The following RBFOX3 variants were observed in gnomAD, a reference collection of about 807,000 sequenced individuals.
RBFOX3 encodes RNA binding protein fox-1 homolog 3.
Under a neutral mutation model 48.7 loss-of-function variants are expected in RBFOX3, and 17 were observed. The ratio of observed to expected loss-of-function variants is 0.35; its 90% CI spans 0.24 to 0.52. The LOEUF is 0.52. RBFOX3 is among the 20% of genes least tolerant of loss of function. The pLI, the probability that RBFOX3 is intolerant of heterozygous loss-of-function variation, is 0.94. For missense variants in RBFOX3, 382 were observed against 497.5 expected (o/e 0.77, Z 2.21); for synonymous variants, 212 against 209.5 (o/e 1.01, Z -0.10).
At chr17:79,408,889 A>G (rs2063902046) in intron 2 of RBFOX3, among the ~76,000 whole-genome samples, 1 of 152,194 alleles carries the variant, frequency 6.6e-6, no homozygotes, top group Non-Finnish European at 1.5e-5. Flanking sequence ...ATCATTTAGT[A>G]TCATTTAATC....
At chr17:79,298,989 A>G (rs1993419) in intron 3 of RBFOX3, among the ~76,000 whole-genome samples, 80,366 of 152,078 alleles carry the variant, frequency 0.53, 21,528 homozygotes, top group Middle Eastern at 0.66. Flanking sequence ...CTGCTGATGC[A>G]AGGCTGGGAG....
chr17:79,104,128 TGCAGAG>T lies in RBFOX3; in HGVS notation c.361-8_361-3del, dbSNP rs757166078. 59 of 1,550,978 alleles carry T rather than the reference TGCAGAG, an allele frequency of 3.8e-5. No individual in the cohort carries two copies. The highest frequency in any genetic ancestry group is 5.1e-5 in the Non-Finnish European group (58 of 1,146,690). ...CACGTCTAAAATTTTTCCGAATTGC[TGCAGAG>T]ACAGAGACAAAGAGGGAGTGGGGCA... On this transcript the variant is annotated splice_region_variant and splice_polypyrimidine_tract_variant and intron_variant, in intron 6 of 14. Transcript: ENST00000693108.
rs992850212 is a variant in RBFOX3 at position 79,605,588 on chromosome 17, C to T, written c.-320+5238G>A. The stretch of plus-strand genomic sequence containing the variant: ...TACAGAGCGGTTGCTCCGCCTAGGC[C>T]TCTGTTCTTCTGGAGTCTTGGGAGA... On this transcript the variant is annotated intron_variant, in intron 1 of 14. Coordinates refer to ENST00000693108, the MANE Select transcript of RBFOX3 (RefSeq NM_001350451.2). 4.9e-4 allele frequency among the ~76,000 whole-genome samples: 74 copies of T among 152,310 alleles called. 1 individual carries two copies. The East Asian group carries it at 0.01, about 21-fold the overall frequency.
At position 79,415,112 on chromosome 17, in the gene RBFOX3, T is replaced by G. The variant is rs960478924; in HGVS notation, c.-175+67342A>C. On this transcript the variant is annotated intron_variant, in intron 2 of 14. Coordinates refer to ENST00000693108, the MANE Select transcript of RBFOX3 (RefSeq NM_001350451.2). ...ATCACGGGGTTCTGAGTCTGGGGAG[T>G]TCAAGTGACTTCTGAGACCACTTGG... Among the ~76,000 whole-genome samples the G allele has an allele frequency of 2.0e-5, 3 of 151,908 alleles. No individual in the cohort carries two copies. In the South Asian group the frequency reaches 6.2e-4, roughly 32 times the overall value.
upstream of RBFOX3, among the ~76,000 whole-genome samples, chr17:79,613,455 G>A (rs1476048422): frequency 6.6e-6 from 1 of 152,204 alleles, no homozygotes; most frequent in Non-Finnish European, 1.5e-5. Flanking sequence ...AGCACTAACC[G>A]GGAGATTTTC....
chr17:79,433,736 G>A lies in RBFOX3; in HGVS notation c.-175+48718C>T, dbSNP rs373404995. ...CCTGCAGACCCCACGAGCAAGGTGC[G>A]GTTGCTTCTTGACATTTGCCATGGT... On this transcript the variant is annotated intron_variant, in intron 2 of 14. Coordinates refer to ENST00000693108, the MANE Select transcript of RBFOX3 (RefSeq NM_001350451.2). Among the ~76,000 whole-genome samples the A allele has an allele frequency of 2.2e-3, 332 of 152,058 alleles. 2 individuals carry two copies. The highest frequency in any genetic ancestry group is 7.1e-3 in the African/African-American group (296 of 41,488).
chr17:79,444,702 C>G (rs2071872259), intron 2 of RBFOX3, among the ~76,000 whole-genome samples: 1 of 152,028 alleles, frequency 6.6e-6, no homozygotes, highest in Admixed American at 6.5e-5. Flanking sequence ...CCCGCATTTG[C>G]TCCAAACTAA....
intron 2 of RBFOX3, among the ~76,000 whole-genome samples, chr17:79,387,773 T>C (rs911555621): frequency 1.3e-5 from 2 of 152,206 alleles, no homozygotes; most frequent in East Asian, 3.9e-4. Flanking sequence ...GCAGGGGGCC[T>C]GGGCACTTGG....
chr17:79,219,474 C>T (rs2059454583), intron 4 of RBFOX3, among the ~76,000 whole-genome samples: 1 of 152,194 alleles, frequency 6.6e-6, no homozygotes. Context: ...CAGTTCCGCC[C>T]AGTTGAGCTA....
chr17:79,495,618 G>T, intron 1 of RBFOX3, among the ~76,000 whole-genome samples: 1 of 102,452 alleles, frequency 9.8e-6, no homozygotes, highest in Non-Finnish European at 2.0e-5. Flanking sequence ...TGGGGAGGTG[G>T]GGGAAAGGGT....
At chr17:79,591,329 G>A (rs1047879766) in intron 1 of RBFOX3, among the ~76,000 whole-genome samples, 1 of 152,148 alleles carries the variant, frequency 6.6e-6, no homozygotes, top group East Asian at 1.9e-4. Flanking sequence ...AAAACTCAGA[G>A]TGTTGTCACA....
chr17:79,285,884 T>C (rs775953805), intron 3 of RBFOX3, among the ~76,000 whole-genome samples: 3 of 152,142 alleles, frequency 2.0e-5, no homozygotes, highest in African/African-American at 7.2e-5. Context: ...GGTTTTGCCA[T>C]GTTGAGCAGG....
chr17:79,463,256 TCC>T (rs1555750579), intron 2 of RBFOX3, among the ~76,000 whole-genome samples: 3 of 62,884 alleles, frequency 4.8e-5, no homozygotes, highest in African/African-American at 1.9e-4. Flanking sequence ...CACTGCCACC[TCC>T]ACCATCGCCA....
chr17:79,174,290 G>A (rs972211518), intron 4 of RBFOX3, among the ~76,000 whole-genome samples: 1 of 147,742 alleles, frequency 6.8e-6, no homozygotes, highest in Admixed American at 6.7e-5. Flanking sequence ...TCACATACAT[G>A]CCACATGCAC....
intron 2 of RBFOX3, among the ~76,000 whole-genome samples, chr17:79,356,348 G>GTTTTTTTTTTTTTTTTTTTT (rs58040659): frequency 1.5e-4 from 7 of 47,330 alleles, no homozygotes; most frequent in Non-Finnish European, 2.0e-4. Flanking sequence ...AAACAGGGAA[G>GTTTTTTTTTTTTTTTTTTTT]TTTTTTTTTT....
Position 79,471,178 on chromosome 17 carries a change from C to A in RBFOX3, c.-175+11276G>T, listed in dbSNP as rs2077013473. ...GGTGAGTCCTGGGTCCCCAGCACCCCTCCTGCTGGAAGAGGCCAGGACACA... is the reference window on the plus strand; with the variant it reads ...GGTGAGTCCTGGGTCCCCAGCACCCATCCTGCTGGAAGAGGCCAGGACACA... On this transcript the variant is annotated intron_variant, in intron 2 of 14. Transcript: ENST00000693108. The surrounding 1 kb of genome is among the most constrained non-coding windows in gnomAD (Gnocchi z 4.0). Among the ~76,000 whole-genome samples, 1 of 152,212 alleles carries A rather than the reference C, an allele frequency of 6.6e-6. No homozygotes were observed. Among genetic ancestry groups the A allele is most frequent in the South Asian group, 2.1e-4 (1 of 4,830 alleles).
intron 2 of RBFOX3, among the ~76,000 whole-genome samples, chr17:79,330,509 A>C (rs2146313843): frequency 6.6e-6 from 1 of 152,212 alleles, no homozygotes; most frequent in East Asian, 1.9e-4. Context: ...AGATGCTTGA[A>C]ATAGACGAGG....
At chr17:79,407,211 T>G (rs1031204952) in intron 2 of RBFOX3, among the ~76,000 whole-genome samples, 19 of 152,256 alleles carry the variant, frequency 1.2e-4, no homozygotes, top group African/African-American at 4.6e-4. Context: ...TTTTGCCATG[T>G]TGGCCAGGCT....
At chr17:79,500,884 T>C (rs2082294861) in intron 1 of RBFOX3, among the ~76,000 whole-genome samples, 2 of 152,162 alleles carry the variant, frequency 1.3e-5, no homozygotes, top group South Asian at 4.1e-4. Flanking sequence ...ACACGTTTGC[T>C]TGTGTGCCTG....
Sources: gnomAD v4.1 joint callset for allele counts (sites outside exome capture counted in the v4.1 genomes callset) on GRCh38, gnomAD v4.1.1 for gene constraint, Gnocchi (gnomAD v3.1) non-coding constraint, MANE v1.5 for transcripts, NCBI Gene and HGNC (gene_info 2026-07-23, HGNC 2026-07-21) for gene names.